Variants in AP3M2 observed in about 807,000 individuals in gnomAD.
The protein encoded by AP3M2 is AP-3 complex subunit mu-2.
A neutral mutation model predicts 41.6 loss-of-function variants in AP3M2; 28 were observed. The observed-to-expected ratio is 0.67, with a 90% CI of 0.50 to 0.92. The LOEUF (loss-of-function observed/expected upper bound fraction) is 0.92, where lower values mean the gene tolerates loss of function less well. Ranked by LOEUF, AP3M2 falls within the 40% of genes least tolerant of loss-of-function variation. The pLI, the probability that AP3M2 is intolerant of heterozygous loss-of-function variation, is 0.00. For synonymous variants in AP3M2, 193 were observed against 186.4 expected, an observed-to-expected ratio of 1.04 and a Z score of -0.29; for missense variants, 427 against 521.4, an observed-to-expected ratio of 0.82 and a Z score of 1.76.
chr8:42,158,975 A>G (rs999696711), intron 3 of AP3M2, among the ~76,000 whole-genome samples: 10 of 152,104 alleles, frequency 6.6e-5, no homozygotes, highest in African/African-American at 2.4e-4. Flanking sequence ...TGTATTTTTT[A>G]GGAGAGATGG....
intron 4 of AP3M2, 125 bp from the exon 5 acceptor site, chr8:42,164,946 G>T (rs2150959983): frequency 1.4e-6 from 1 of 731,016 alleles, no homozygotes; most frequent in South Asian, 1.9e-5. Context: ...GGGAGAGAGA[G>T]GAAGGGGAGG....
intron 6 of AP3M2, among the ~76,000 whole-genome samples, chr8:42,166,700 G>A (rs532113439): frequency 2.0e-5 from 3 of 151,466 alleles, no homozygotes; most frequent in South Asian, 2.1e-4. Flanking sequence ...CTGGTATGTC[G>A]AGGCTGCAGT....
At chr8:42,161,424 C>T (rs750798272) in intron 3 of AP3M2, among the ~76,000 whole-genome samples, 111 of 152,256 alleles carry the variant, frequency 7.3e-4, no homozygotes, top group Middle Eastern at 6.8e-3. Flanking sequence ...GCCTGGCCAA[C>T]ATAGTGAAAC....
chr8:42,170,253 T>A lies in AP3M2; in HGVS notation c.*1192T>A, dbSNP rs1194927087. The A allele has an allele frequency of 1.3e-5, 2 of 152,264 alleles. No individual in the cohort carries two copies. The highest frequency in any genetic ancestry group is 2.9e-5 in the Non-Finnish European group (2 of 68,060). 9.4% of individuals were successfully genotyped at this position (152,264 alleles called of 1,614,324 possible). A position where few individuals can be genotyped will look rare whatever the true frequency, so the allele number is the denominator to read the frequency against. On this transcript the variant is annotated 3_prime_UTR_variant, in exon 9 of 9. Transcript: ENST00000396926. ...ATCATTTCCTCAGTCTTTTCTTTTGTACTCCTATCATGTATTCATTAATAT... is the reference window on the plus strand; with the variant it reads ...ATCATTTCCTCAGTCTTTTCTTTTGAACTCCTATCATGTATTCATTAATAT...
chr8:42,165,323 G>A (rs1804609669), intron 5 of AP3M2, 104 bp from the exon 6 acceptor site: 2 of 1,467,154 alleles, frequency 1.4e-6, no homozygotes, highest in Middle Eastern at 1.8e-4. Context: ...CTGTGTGTGT[G>A]TGTGTGGTGT....
At chr8:42,165,295 G>T (rs1025606096) in intron 5 of AP3M2, 132 bp from the exon 6 acceptor site, 3 of 1,447,936 alleles carry the variant, frequency 2.1e-6, no homozygotes, top group East Asian at 2.3e-5. Flanking sequence ...GAATTTTCTA[G>T]AAGTCACTAC....
chr8:42,158,844 A>T (rs1446618931), intron 3 of AP3M2, among the ~76,000 whole-genome samples: 5 of 149,702 alleles, frequency 3.3e-5, no homozygotes, highest in South Asian at 2.1e-4. Context: ...CCCAGGATGG[A>T]GTGCAGTGGT....
Position 42,167,193 on chromosome 8 carries a change from A to G in AP3M2, c.833A>G (p.His278Arg). 6.2e-6 allele frequency: 10 copies of G among 1,614,174 alleles called. No homozygotes were observed. The highest frequency in any genetic ancestry group is 1.1e-5 in the South Asian group (1 of 91,080). ...GTTGCAATCCCAGTGTATGTCAAACATAACATCAGTTTCCGGGACAGTAGT... is the reference window on the plus strand; with the variant it reads ...GTTGCAATCCCAGTGTATGTCAAACGTAACATCAGTTTCCGGGACAGTAGT... ...NLVAIPVYVK[H>R]NISFRDSSSL... Residue 278 changes from histidine (H) to arginine (R), a missense_variant, in exon 7 of 9, where the codon CAT (histidine) becomes CGT (arginine). This residue lies in a region of AP3M2 where 237 missense variants were observed against 284.9 expected (regional missense o/e 0.83). Transcript: ENST00000396926.
Position 42,158,132 on chromosome 8 carries a change from T to G in AP3M2, c.445+20T>G. Reference sequence around the variant, plus strand: ...TCACAGGTACGGCAGAGGGGGAAACTGATAGATAGTGGCCATCCTACAGCC... The same window carrying G: ...TCACAGGTACGGCAGAGGGGGAAACGGATAGATAGTGGCCATCCTACAGCC... On this transcript the variant is annotated intron_variant, in intron 3 of 8. Transcript: ENST00000396926. 1 of 1,605,022 alleles carries G rather than the reference T, an allele frequency of 6.2e-7. No individual in the cohort carries two copies. The highest frequency in any genetic ancestry group is 1.3e-5 in the African/African-American group (1 of 74,904).
At chr8:42,157,869 G>A (rs1232018420) in intron 2 of AP3M2, 72 bp from the exon 3 acceptor site, 1 of 1,444,074 alleles carries the variant, frequency 6.9e-7, no homozygotes, top group Non-Finnish European at 9.5e-7. Flanking sequence ...ATTCTCTGTA[G>A]GCACATTCTT....
chr8:42,156,754 G>T (rs1194183791), intron 2 of AP3M2, among the ~76,000 whole-genome samples: 1 of 152,118 alleles, frequency 6.6e-6, no homozygotes, highest in African/African-American at 2.4e-5. Context: ...CTCTAGTAGA[G>T]TCTGTTCAGT....
chr8:42,165,679 T>C (rs1468174838), intron 6 of AP3M2, 119 bp downstream of exon 6: 4 of 1,283,936 alleles, frequency 3.1e-6, no homozygotes, highest in Non-Finnish European at 4.3e-6. Context: ...CCAGCTTCTG[T>C]GGTTACTAAT....
intron 1 of AP3M2, 92 bp from the exon 2 acceptor site, chr8:42,154,524 T>G (rs779508660): frequency 4.9e-5 from 48 of 982,128 alleles, no homozygotes; most frequent in Admixed American, 2.6e-4. Context: ...TTGGGCCTGG[T>G]CTTGAAAGAT....
intron 1 of AP3M2, 152 bp from the exon 2 acceptor site, chr8:42,154,464 G>A: frequency 3.6e-6 from 2 of 550,270 alleles, no homozygotes; most frequent in South Asian, 2.5e-5. Context: ...GATCATTATC[G>A]TTTCGAATTC....
Position 42,159,147 on chromosome 8 carries a change from C to G in AP3M2, c.445+1035C>G, listed in dbSNP as rs143133146. 2.8e-3 allele frequency among the ~76,000 whole-genome samples: 428 copies of G among 152,260 alleles called. 1 individual carries two copies. The highest frequency in any genetic ancestry group is 4.8e-3 in the Non-Finnish European group (325 of 68,012). On this transcript the variant is annotated intron_variant, in intron 3 of 8. Transcript: ENST00000396926. Reference sequence around the variant, plus strand: ...TCCATGTGGAGTGGACCCAAAGTTACGTACTGAATCCCTATTTATGATGTT... The same window carrying G: ...TCCATGTGGAGTGGACCCAAAGTTAGGTACTGAATCCCTATTTATGATGTT...
intron 3 of AP3M2, among the ~76,000 whole-genome samples, chr8:42,158,329 A>G (rs1317998916): frequency 6.7e-6 from 1 of 148,942 alleles, no homozygotes; most frequent in Non-Finnish European, 1.5e-5. Context: ...GCTCACTGCA[A>G]CCTCCGCCTC....
chr8:42,159,107 A>G (rs1413678955), intron 3 of AP3M2, among the ~76,000 whole-genome samples: 1 of 152,100 alleles, frequency 6.6e-6, no homozygotes, highest in Non-Finnish European at 1.5e-5. Context: ...CATTTTTAAT[A>G]ATTTATAGTT....
chr8:42,153,306 T>C (rs1446631437), intron 1 of AP3M2: 2 of 152,056 alleles, frequency 1.3e-5, no homozygotes, highest in South Asian at 4.1e-4. Flanking sequence ...ACTGTTGCCA[T>C]GGCAGCGCAC....
chr8:42,167,035 C>T, intron 6 of AP3M2, 129 bp from the exon 7 acceptor site: 1 of 739,108 alleles, frequency 1.4e-6, no homozygotes. Flanking sequence ...TTTATTTTTT[C>T]AGATAAAAAG....
Sources: allele counts gnomAD v4.1 joint callset (sites outside exome capture counted in the v4.1 genomes callset), GRCh38; gene constraint gnomAD v4.1.1; regional missense constraint gnomAD v4.1.1; transcripts MANE v1.5; gene names NCBI Gene and HGNC (gene_info 2026-07-23, HGNC 2026-07-21).